MBD5: variants seen among roughly 807,000 people sequenced by gnomAD.
MBD5 encodes the protein methyl-CpG-binding domain protein 5.
Under a neutral mutation model 117.3 loss-of-function variants are expected in MBD5, and 13 were observed. That is an observed-to-expected ratio of 0.11 (90% CI 0.07 to 0.18). The LOEUF is 0.18. Ranked by LOEUF, MBD5 falls within the 10% of genes least tolerant of loss-of-function variation. The pLI is 1.00. For missense variants in MBD5, 1,879 were observed against 2,093.8 expected (o/e 0.90, Z 2.00); for synonymous variants, 727 against 766.4 (o/e 0.95, Z 0.85).
At chr2:148,117,398 T>C (rs1696666431) in intron 1 of MBD5, among the ~76,000 whole-genome samples, 1 of 152,178 alleles carries the variant, frequency 6.6e-6, no homozygotes, top group Non-Finnish European at 1.5e-5. Flanking sequence ...TTGGAAATTA[T>C]GTTTTCTCTA....
intron 3 of MBD5, among the ~76,000 whole-genome samples, chr2:148,237,322 A>T (rs765794436): frequency 1.3e-5 from 2 of 152,216 alleles, no homozygotes; most frequent in Non-Finnish European, 2.9e-5. Flanking sequence ...GGCTTTTGAC[A>T]TGTCTTCCTT....
At chr2:148,047,892 G>A (rs1174752868) in intron 1 of MBD5, among the ~76,000 whole-genome samples, 12 of 152,180 alleles carry the variant, frequency 7.9e-5, no homozygotes, top group Admixed American at 7.9e-4. Flanking sequence ...TACAAAAGCA[G>A]CAAAACTAGA....
chr2:148,158,092 G>C (rs1269668652), intron 1 of MBD5, among the ~76,000 whole-genome samples: 1 of 151,796 alleles, frequency 6.6e-6, no homozygotes, highest in African/African-American at 2.4e-5. Flanking sequence ...GCATTAATTA[G>C]AATGTTAATT....
intron 1 of MBD5, among the ~76,000 whole-genome samples, chr2:148,145,839 A>G (rs973093958): frequency 3.9e-5 from 6 of 152,116 alleles, no homozygotes; most frequent in Admixed American, 2.0e-4. Flanking sequence ...GTGCTGCTGG[A>G]TTCGGTTTGC....
At chr2:148,388,265 G>A (rs1033897562) in intron 4 of MBD5, among the ~76,000 whole-genome samples, 12 of 152,168 alleles carry the variant, frequency 7.9e-5, no homozygotes, top group African/African-American at 2.7e-4. Flanking sequence ...TTGTAAATTA[G>A]TTAGGGGAGA....
chr2:148,428,419 C>T (rs1056520807), intron 4 of MBD5, among the ~76,000 whole-genome samples: 2 of 152,122 alleles, frequency 1.3e-5, no homozygotes, highest in African/African-American at 4.8e-5. Context: ...GGCCATACTG[C>T]CCAAAGTAAT....
intron 4 of MBD5, among the ~76,000 whole-genome samples, chr2:148,449,631 A>G (rs971737655): frequency 1.3e-5 from 2 of 151,966 alleles, no homozygotes; most frequent in Admixed American, 1.3e-4. Context: ...TTTAGAACCA[A>G]TCTAAAGGAT....
At chr2:148,494,372 CAGTT>C (rs772476715) in intron 11 of MBD5, among the ~76,000 whole-genome samples, 28 of 152,144 alleles carry the variant, frequency 1.8e-4, no homozygotes, top group Non-Finnish European at 4.1e-4. Context: ...TTAAAGCACT[CAGTT>C]TGTTGAGTGA....
chr2:148,188,302 T>A (rs1394873873), intron 2 of MBD5, among the ~76,000 whole-genome samples: 2 of 152,202 alleles, frequency 1.3e-5, no homozygotes, highest in Non-Finnish European at 2.9e-5. Context: ...CTGTGATAAG[T>A]TAAAGATGCA....
chr2:148,331,675 G>A (rs560659263), intron 3 of MBD5, among the ~76,000 whole-genome samples: 4 of 151,926 alleles, frequency 2.6e-5, no homozygotes, highest in Admixed American at 2.0e-4. Context: ...ATGTGAGTTT[G>A]GATTAACCTT....
intron 4 of MBD5, among the ~76,000 whole-genome samples, chr2:148,431,541 C>G (rs568280657): frequency 2.0e-5 from 3 of 152,212 alleles, no homozygotes; most frequent in Admixed American, 1.3e-4. Flanking sequence ...CTCTCTCCCC[C>G]CACCTCCACT....
Position 148,073,068 on chromosome 2 carries a change from TTAGA to T in MBD5, c.-925+51389_-925+51392del, listed in dbSNP as rs575512449. 1.7e-4 allele frequency among the ~76,000 whole-genome samples: 26 copies of T among 148,654 alleles called. No homozygotes were observed. The South Asian group carries it at 5.3e-3, about 31-fold the overall frequency. The stretch of plus-strand genomic sequence containing the variant: ...CCACCATAGAACTGGCTGAGAATCC[TTAGA>T]TAGAAATATTTCAGGTTTTTTTGTA... On this transcript the variant is annotated intron_variant, in intron 1 of 13. Transcript: ENST00000642680.
chr2:148,152,856 T>G (rs1481462750), intron 1 of MBD5, among the ~76,000 whole-genome samples: 1 of 152,030 alleles, frequency 6.6e-6, no homozygotes, highest in African/African-American at 2.4e-5. Context: ...ATGGGTTTAC[T>G]GAATACAGCA....
intron 4 of MBD5, among the ~76,000 whole-genome samples, chr2:148,381,233 G>A (rs577340399): frequency 7.2e-5 from 11 of 152,236 alleles, no homozygotes; most frequent in South Asian, 6.2e-4. Context: ...AAAATTAGAC[G>A]AATGGATAAC....
intron 10 of MBD5, among the ~76,000 whole-genome samples, chr2:148,488,639 C>T (rs767931248): frequency 4.9e-4 from 63 of 127,346 alleles, no homozygotes; most frequent in Non-Finnish European, 8.6e-4. Context: ...AGCAGTAATT[C>T]TTAGATGGTG....
chr2:148,221,311 G>T (rs189747901), intron 2 of MBD5, among the ~76,000 whole-genome samples: 207 of 152,234 alleles, frequency 1.4e-3, no homozygotes, highest in Middle Eastern at 3.4e-3. Context: ...GAATCATGTG[G>T]TAGCTCTATT....
intron 3 of MBD5, among the ~76,000 whole-genome samples, chr2:148,299,166 T>A (rs1246310016): frequency 6.6e-6 from 1 of 151,994 alleles, no homozygotes; most frequent in Non-Finnish European, 1.5e-5. Context: ...TCTAGCTCTG[T>A]CGCCCAGGCT....
Position 148,463,885 on chromosome 2 carries a change from T to G in MBD5, c.363T>G (p.Pro121=). The G allele has an allele frequency of 6.2e-7, 1 of 1,613,676 alleles. No homozygotes were observed. Among genetic ancestry groups the G allele is most frequent in the South Asian group, 1.1e-5 (1 of 91,056 alleles). Residue 121 remains proline (P), a synonymous_variant, in exon 7 of 14, where the codon CCT becomes CCG. Coordinates refer to ENST00000642680, the MANE Select transcript of MBD5 (RefSeq NM_001378120.1). ...ATAAAAGCATGGAAGCCCCACATCC[T>G]TCTCTGGTGCTCACCAGTCCCGGAG... ...TLHKSMEAPH[P]SLVLTSPGGG... is the part of the protein sequence containing the mutation.
chr2:148,285,000 A>T (rs564497662), intron 3 of MBD5, among the ~76,000 whole-genome samples: 1 of 152,172 alleles, frequency 6.6e-6, no homozygotes, highest in Non-Finnish European at 1.5e-5. Context: ...GTCTGTTATT[A>T]CAGCCTTCCC....
Sources: allele counts gnomAD v4.1 joint callset (sites outside exome capture counted in the v4.1 genomes callset), GRCh38; gene constraint gnomAD v4.1.1; transcripts MANE v1.5; gene names NCBI Gene and HGNC (gene_info 2026-07-23, HGNC 2026-07-21).